The following ANKRD45 variants were observed in gnomAD, a reference collection of about 807,000 sequenced individuals.
ANKRD45 encodes ankyrin repeat domain 45, also known as ankyrin repeat domain-containing protein 45.
A neutral mutation model predicts 28.1 loss-of-function variants in ANKRD45; 21 were observed. The ratio of observed to expected loss-of-function variants is 0.75; its 90% CI spans 0.53 to 1.08. The LOEUF is 1.08. Among genes scored for constraint, ANKRD45 ranks in the 50% least tolerant of loss-of-function variants. The probability of loss-of-function intolerance (pLI) is 0.00; values close to 1 mark genes in which losing one functional copy is unlikely to be tolerated. For synonymous variants in ANKRD45, 86 were observed against 103.9 expected, an observed-to-expected ratio of 0.83 and a Z score of 1.05; for missense variants, 261 against 308.7, an observed-to-expected ratio of 0.85 and a Z score of 1.16.
chr1:173,657,594 T>A (rs1669590473), intron 2 of ANKRD45: 1 of 151,250 alleles, frequency 6.6e-6, no homozygotes, highest in Non-Finnish European at 1.5e-5. Context: ...CCTTTCCATC[T>A]ATTCTGTTTT....
At chr1:173,625,072 T>TA (rs1667871859) in intron 4 of ANKRD45, 147 bp from the exon 5 acceptor site, 2 of 704,802 alleles carry the variant, frequency 2.8e-6, no homozygotes, top group East Asian at 2.8e-5. Context: ...AGCCATTAGA[T>TA]ATAAATAGCT....
chr1:173,650,426 T>C (rs1194281257), intron 2 of ANKRD45, among the ~76,000 whole-genome samples: 2 of 152,220 alleles, frequency 1.3e-5, no homozygotes, highest in Non-Finnish European at 1.5e-5. Context: ...GCACAGGATA[T>C]GAACTCATCC....
At chr1:173,664,389 C>T (rs12561796) in intron 1 of ANKRD45, among the ~76,000 whole-genome samples, 14,440 of 152,198 alleles carry the variant, frequency 0.095, 885 homozygotes, top group Middle Eastern at 0.21. Flanking sequence ...AGAATAGAGG[C>T]AGGATGTGTT....
the ANKRD45 span, among the ~76,000 whole-genome samples, chr1:173,696,468 T>C: frequency 1.3e-5 from 2 of 152,218 alleles, no homozygotes; most frequent in Non-Finnish European, 2.9e-5. Flanking sequence ...AACATAGGAT[T>C]CCAGATTCAA....
rs994022348 is a variant in ANKRD45, at chr1:173,609,110, C to A, written c.*1035G>T. On this transcript the variant is annotated 3_prime_UTR_variant, in exon 6 of 6. Transcript: ENST00000333279. ...TGAAAGTTATTGCAGTGTTCTTTTG[C>A]TTTAAAAAATTGAAACTGAATTGCT... Among the ~76,000 whole-genome samples, 3 of 151,986 alleles carry A rather than the reference C, an allele frequency of 2.0e-5. No individual in the cohort carries two copies. The highest frequency in any genetic ancestry group is 4.4e-5 in the Non-Finnish European group (3 of 68,004).
chr1:173,712,504 A>C, the ANKRD45 span, among the ~76,000 whole-genome samples: 3 of 152,236 alleles, frequency 2.0e-5, no homozygotes, highest in African/African-American at 7.2e-5. Flanking sequence ...ATGCTACATA[A>C]GTATTTGCTA....
upstream of ANKRD45, among the ~76,000 whole-genome samples, chr1:173,671,772 C>T (rs1670270174): frequency 2.0e-5 from 3 of 151,538 alleles, no homozygotes; most frequent in African/African-American, 7.3e-5. Context: ...GTCCCAGCTC[C>T]TTGGGAGGAT....
intron 2 of ANKRD45, among the ~76,000 whole-genome samples, chr1:173,651,000 T>C (rs532114566): frequency 6.6e-6 from 1 of 152,236 alleles, no homozygotes; most frequent in Non-Finnish European, 1.5e-5. Context: ...TAGCCCTTTA[T>C]CAGATGGGCA....
At chr1:173,685,096 G>T in the ANKRD45 span, among the ~76,000 whole-genome samples, 1 of 152,146 alleles carries the variant, frequency 6.6e-6, no homozygotes, top group Non-Finnish European at 1.5e-5. Context: ...GAGTGAAAGG[G>T]ATAGCCAATT....
the ANKRD45 span, among the ~76,000 whole-genome samples, chr1:173,706,298 T>A: frequency 9.8e-6 from 1 of 102,102 alleles, no homozygotes; most frequent in East Asian, 3.6e-4. Flanking sequence ...CAAGATTCCG[T>A]CTCAAAAAAA....
At chr1:173,661,015 A>G (rs1669749953) in intron 1 of ANKRD45, among the ~76,000 whole-genome samples, 1 of 152,206 alleles carries the variant, frequency 6.6e-6, no homozygotes, top group Non-Finnish European at 1.5e-5. Flanking sequence ...GAATCTTACC[A>G]ATATATCACA....
At chr1:173,684,100 G>A in the ANKRD45 span, among the ~76,000 whole-genome samples, 2 of 152,056 alleles carry the variant, frequency 1.3e-5, no homozygotes, top group Non-Finnish European at 2.9e-5. Flanking sequence ...AGTTAGGGTG[G>A]AGCAGCTGAT....
chr1:173,636,869 G>C, intron 3 of ANKRD45: 2 of 1,535,704 alleles, frequency 1.3e-6, no homozygotes, highest in Non-Finnish European at 1.7e-6. Flanking sequence ...TAATGATCTA[G>C]AAAGCCCATT....
chr1:173,670,842 T>G (rs1215217828), upstream of ANKRD45, among the ~76,000 whole-genome samples: 1 of 152,096 alleles, frequency 6.6e-6, no homozygotes, highest in Non-Finnish European at 1.5e-5. Context: ...AGGAGTTAGG[T>G]GATGTGAGAA....
the ANKRD45 span, among the ~76,000 whole-genome samples, chr1:173,704,404 C>A: frequency 6.6e-6 from 1 of 152,178 alleles, no homozygotes; most frequent in East Asian, 1.9e-4. Context: ...ATAAGAGCCT[C>A]TTTATTTCTT....
At chr1:173,613,164 G>A (rs1314072773) in intron 5 of ANKRD45, among the ~76,000 whole-genome samples, 12 of 151,780 alleles carry the variant, frequency 7.9e-5, no homozygotes, top group East Asian at 1.9e-4. Flanking sequence ...CTGCCCAGCC[G>A]CCCATCGTCT....
chr1:173,641,528 C>T (rs1479506256), intron 3 of ANKRD45, among the ~76,000 whole-genome samples: 5 of 152,222 alleles, frequency 3.3e-5, no homozygotes. Flanking sequence ...TAAAAAGATG[C>T]AAGGAGCTCA....
chr1:173,649,814 G>A (rs1669101682), intron 2 of ANKRD45, among the ~76,000 whole-genome samples: 1 of 151,878 alleles, frequency 6.6e-6, no homozygotes, highest in African/African-American at 2.4e-5. Context: ...TTTTATGTAT[G>A]GTACAAAGTA....
intron 2 of ANKRD45, among the ~76,000 whole-genome samples, chr1:173,654,502 C>T (rs1669402992): frequency 6.6e-6 from 1 of 152,134 alleles, no homozygotes; most frequent in South Asian, 2.1e-4. Flanking sequence ...GTGGGTAACC[C>T]AACCTTTCTC....
Sources: gnomAD v4.1 joint callset for allele counts (sites outside exome capture counted in the v4.1 genomes callset) on GRCh38, gnomAD v4.1.1 for gene constraint, MANE v1.5 for transcripts, NCBI Gene and HGNC (gene_info 2026-07-23, HGNC 2026-07-21) for gene names.